The following NOTCH2 variants were observed in gnomAD, a reference collection of about 807,000 sequenced individuals.
The protein encoded by NOTCH2 is neurogenic locus notch homolog protein 2.
Under a neutral mutation model 235.8 loss-of-function variants are expected in NOTCH2, and 29 were observed. The ratio of observed to expected loss-of-function variants is 0.12; its 90% CI spans 0.09 to 0.17. The LOEUF (loss-of-function observed/expected upper bound fraction) is 0.17, where lower values mean the gene tolerates loss of function less well. Ranked by LOEUF, NOTCH2 falls within the 10% of genes least tolerant of loss-of-function variation. The probability of loss-of-function intolerance (pLI) is 1.00; values close to 1 mark genes in which losing one functional copy is unlikely to be tolerated. For missense variants in NOTCH2, 2,285 were observed against 3,150.2 expected (o/e 0.73, Z 6.57); for synonymous variants, 1,086 against 1,141.5 (o/e 0.95, Z 0.98).
intron 11 of NOTCH2, among the ~76,000 whole-genome samples, chr1:119,963,206 G>GGAAGGAAGGAAA (rs1651010352): frequency 6.6e-6 from 1 of 150,930 alleles, no homozygotes; most frequent in Non-Finnish European, 1.5e-5. Context: ...AAGGAAGGAA[G>GGAAGGAAGGAAA]GAAGGACTGA....
In NOTCH2 at chr1:119,925,475, G is replaced by C. The variant is rs753655495; in HGVS notation, c.4341C>G (p.Ala1447=). 5.6e-6 allele frequency: 9 copies of C among 1,614,062 alleles called. No individual in the cohort carries two copies. Among genetic ancestry groups the C allele is most frequent in the Non-Finnish European group, 7.6e-6 (9 of 1,180,044 alleles). The change falls in exon 25 of 34, where the codon GCC becomes GCG. Residue 1447 remains alanine, a synonymous_variant. Coordinates refer to ENST00000256646, the MANE Select transcript of NOTCH2 (RefSeq NM_024408.4). ...AACAGTCACCCCCATCCCACTGGCA[G>C]GCATGGCTGTTGCAGGCCTCATCAC... ...GVCDEACNSH[A]CQWDGGDCSL... is the part of the protein sequence containing the mutation.
At chr1:119,937,810 A>T (rs1553195947) in intron 20 of NOTCH2, 47 bp downstream of exon 20, 2 of 1,606,158 alleles carry the variant, frequency 1.2e-6, no homozygotes, top group East Asian at 4.5e-5. Flanking sequence ...GCCACTGGAC[A>T]GTCAATACTG....
intron 12 of NOTCH2, among the ~76,000 whole-genome samples, chr1:119,957,830 ACACAC>A (rs2101128248): frequency 1.0e-4 from 1 of 9,534 alleles, no homozygotes; most frequent in South Asian, 3.4e-3. Context: ...CCTTATATAA[ACACAC>A]ACACACACAC....
chr1:120,030,241 A>C (rs1437620303), intron 1 of NOTCH2, among the ~76,000 whole-genome samples: 51 of 152,042 alleles, frequency 3.4e-4, no homozygotes, highest in Admixed American at 3.3e-3. Context: ...CAGCTGTTAC[A>C]TCTCCATCTC....
chr1:119,945,002 T>C (rs1650203638), intron 17 of NOTCH2, among the ~76,000 whole-genome samples: 1 of 152,128 alleles, frequency 6.6e-6, no homozygotes, highest in South Asian at 2.1e-4. Flanking sequence ...TTCAAATATC[T>C]TGAAAAAAAT....
In NOTCH2 at chr1:119,941,730, C is replaced by G. The variant is rs1553196495; in HGVS notation, c.2777G>C (p.Cys926Ser). 1 of 1,614,060 alleles carries G rather than the reference C, an allele frequency of 6.2e-7. No individual in the cohort carries two copies. The highest frequency in any genetic ancestry group is 8.5e-7 in the Non-Finnish European group (1 of 1,179,906). ...GGAGAAAGTATTCACTCCATCCATA[C>G]AGGAACCTCCATTCTGGCAAGGATC... ...LANPCQNGGS[C>S]MDGVNTFSCL... The change falls in exon 18 of 34, where the codon TGT (cysteine) becomes TCT (serine). Residue 926 changes from cysteine (C) to serine (S), a missense_variant. Physicochemically the swap from Cys to Ser is moderately radical, Grantham distance 112 (BLOSUM62 -1). Coordinates refer to ENST00000256646, the MANE Select transcript of NOTCH2 (RefSeq NM_024408.4).
chr1:119,974,793 C>G (rs2101157657), intron 5 of NOTCH2, among the ~76,000 whole-genome samples: 1 of 152,290 alleles, frequency 6.6e-6, no homozygotes, highest in South Asian at 2.1e-4. Context: ...TTGCATCATT[C>G]CATTCAATCC....
intron 2 of NOTCH2, among the ~76,000 whole-genome samples, chr1:120,017,728 T>C (rs587751954): frequency 5.8e-3 from 852 of 146,688 alleles, no homozygotes; most frequent in African/African-American, 0.021. Flanking sequence ...AGTAGATTAT[T>C]TTTTAATCAC....
chr1:119,988,518 G>A (rs1355022611), intron 4 of NOTCH2, among the ~76,000 whole-genome samples: 1 of 152,092 alleles, frequency 6.6e-6, no homozygotes, highest in African/African-American at 2.4e-5. Flanking sequence ...TATTCATACA[G>A]AAATATGAGT....
chr1:120,065,665 C>G (rs587764480), intron 1 of NOTCH2, among the ~76,000 whole-genome samples: 8 of 152,086 alleles, frequency 5.3e-5, no homozygotes, highest in Non-Finnish European at 1.0e-4. Flanking sequence ...GAATTCTGGT[C>G]TTCTGGCTCC....
At chr1:119,996,300 G>C (rs61786984) in intron 4 of NOTCH2, 100 of 292,786 alleles carry the variant, frequency 3.4e-4, no homozygotes, top group South Asian at 2.3e-3. Flanking sequence ...GTGCACTCTA[G>C]AACACTTGTA....
chr1:119,919,123 T>A (rs1166914958), intron 31 of NOTCH2, among the ~76,000 whole-genome samples, 189 bp downstream of exon 31: 2 of 152,238 alleles, frequency 1.3e-5, no homozygotes, highest in East Asian at 3.8e-4. Flanking sequence ...ACTATCTTCC[T>A]ATATATAGCT....
At position 120,058,274 on chromosome 1, in the gene NOTCH2, C is replaced by A. The variant is rs879272263; in HGVS notation, c.73+11060G>T. Among the ~76,000 whole-genome samples, 4 of 152,106 alleles carry A rather than the reference C, an allele frequency of 2.6e-5. No individual in the cohort carries two copies. The South Asian group carries it at 8.3e-4, about 32-fold the overall frequency. On this transcript the variant is annotated intron_variant, in intron 1 of 33. Coordinates refer to ENST00000256646, the MANE Select transcript of NOTCH2 (RefSeq NM_024408.4). ...ATCCCAGCACTTTGGGAGGCTGAGG[C>A]GGGCGGATCACCTGAGGTCAGGAGT...
intron 11 of NOTCH2, among the ~76,000 whole-genome samples, chr1:119,962,650 T>C (rs1361171066): frequency 6.6e-6 from 1 of 152,196 alleles, no homozygotes; most frequent in Admixed American, 6.5e-5. Flanking sequence ...CCTCTCCACC[T>C]CTGCTCTCTA....
chr1:119,923,845 C>T lies in NOTCH2; in HGVS notation c.4651G>A (p.Val1551Ile), dbSNP rs1649372644. 6 of 1,614,184 alleles carry T rather than the reference C, an allele frequency of 3.7e-6. No individual in the cohort carries two copies. Among genetic ancestry groups the T allele is most frequent in the Non-Finnish European group, 5.1e-6 (6 of 1,180,028 alleles). The change falls in exon 26 of 34, where the codon GTA becomes ATA. Residue 1551 changes from valine (V) to isoleucine (I), a missense_variant. Val to Ile is a conservative substitution (Grantham distance 29). Around this residue, in one of 6 missense-constraint regions of NOTCH2, gnomAD observed 1,173 missense variants for 1,515.3 expected, o/e 0.77. Transcript: ENST00000256646. ...NLAEGTLVIVVLMPPEQLLQD... is the reference protein window; with the variant it reads ...NLAEGTLVIVILMPPEQLLQD... ...AGCAGTTGTTCAGGTGGCATCAATA[C>T]CACAATAACCAGGGTACCTTCTGCC...
At chr1:119,966,829 A>G (rs1553199721) in intron 8 of NOTCH2, among the ~76,000 whole-genome samples, 1 of 152,238 alleles carries the variant, frequency 6.6e-6, no homozygotes, top group Non-Finnish European at 1.5e-5. Flanking sequence ...ATGTTCCTAA[A>G]GACAAGCTGA....
rs587696476 is a variant in NOTCH2, at chr1:119,951,690, T to C, written c.2366-853A>G. On this transcript the variant is annotated intron_variant, in intron 14 of 33. Transcript: ENST00000256646. ...AAAAGGAATAAAAAATTAGTGGAGA[T>C]AGCACAGTACCCAAATACTGCACAC... Among the ~76,000 whole-genome samples the C allele has an allele frequency of 2.6e-5, 4 of 152,330 alleles. No homozygotes were observed. In the East Asian group the frequency reaches 5.8e-4, roughly 22 times the overall value.
chr1:120,042,843 G>T (rs1223592715), intron 1 of NOTCH2, among the ~76,000 whole-genome samples: 1 of 151,378 alleles, frequency 6.6e-6, no homozygotes, highest in East Asian at 1.9e-4. Context: ...AAATTGTTAA[G>T]AAGAACAAGT....
At chr1:119,961,850 A>C (rs1230809442) in intron 11 of NOTCH2, among the ~76,000 whole-genome samples, 1 of 152,084 alleles carries the variant, frequency 6.6e-6, no homozygotes, top group Non-Finnish European at 1.5e-5. Context: ...CCCTATCCAA[A>C]CACCAAACTA....
Sources: gnomAD v4.1 joint callset for allele counts (sites outside exome capture counted in the v4.1 genomes callset) on GRCh38, gnomAD v4.1.1 for gene constraint, gnomAD v4.1.1 regional missense constraint, MANE v1.5 for transcripts, NCBI Gene and HGNC (gene_info 2026-07-23, HGNC 2026-07-21) for gene names.